The following TRIM55 variants were observed in gnomAD, a reference collection of about 807,000 sequenced individuals.
The protein encoded by TRIM55 is tripartite motif-containing protein 55.
Under a neutral mutation model 60.9 loss-of-function variants are expected in TRIM55, and 50 were observed. That is an observed-to-expected ratio of 0.82 (90% CI 0.65 to 1.04). TRIM55 has a LOEUF of 1.04. Ranked by LOEUF, TRIM55 falls within the 50% of genes least tolerant of loss-of-function variation. The pLI is 0.00. For synonymous variants in TRIM55, 237 were observed against 238.1 expected, an observed-to-expected ratio of 1.00 and a Z score of 0.04; for missense variants, 681 against 666.9, an observed-to-expected ratio of 1.02 and a Z score of -0.23.
chr8:66,129,287 G>T (rs1390498102), intron 2 of TRIM55, among the ~76,000 whole-genome samples: 1 of 152,120 alleles, frequency 6.6e-6, no homozygotes, highest in South Asian at 2.1e-4. Context: ...TAGAAGGCAC[G>T]GTGTGAAGAG....
At chr8:66,116,835 CA>C in the TRIM55 span, among the ~76,000 whole-genome samples, 1 of 152,130 alleles carries the variant, frequency 6.6e-6, no homozygotes, top group Admixed American at 6.5e-5. Context: ...ATACCAAAAT[CA>C]GGCAAAGACA....
chr8:66,168,941 C>T (rs1403507476), intron 9 of TRIM55, among the ~76,000 whole-genome samples: 1 of 152,154 alleles, frequency 6.6e-6, no homozygotes, highest in African/African-American at 2.4e-5. Context: ...TGATTGCTAT[C>T]GCTTGACTGA....
At position 66,144,979 on chromosome 8, in the gene TRIM55, G is replaced by A. The variant is rs115735236; in HGVS notation, c.604-4666G>A. Among the ~76,000 whole-genome samples the A allele has an allele frequency of 2.5e-3, 388 of 152,310 alleles. 1 individual carries two copies. Among genetic ancestry groups the A allele is most frequent in the African/African-American group, 9.0e-3 (374 of 41,558 alleles). Reference sequence around the variant, plus strand: ...ATTCACATTAACAAAGGCACAGTAGGTACTGAAATTCAGAGTCATCACTGT... The same window carrying A: ...ATTCACATTAACAAAGGCACAGTAGATACTGAAATTCAGAGTCATCACTGT... On this transcript the variant is annotated intron_variant, in intron 4 of 9. Coordinates refer to ENST00000315962, the MANE Select transcript of TRIM55 (RefSeq NM_184085.2).
At chr8:66,130,533 G>C (rs982641133) in intron 2 of TRIM55, among the ~76,000 whole-genome samples, 27 of 143,656 alleles carry the variant, frequency 1.9e-4, no homozygotes, top group African/African-American at 6.3e-4. Flanking sequence ...AGAATGAAAA[G>C]AGTTCAGCTG....
At chr8:66,171,400 C>T (rs1018713401) in intron 9 of TRIM55, among the ~76,000 whole-genome samples, 1 of 152,218 alleles carries the variant, frequency 6.6e-6, no homozygotes, top group Non-Finnish European at 1.5e-5. Context: ...CCGCTACATC[C>T]ATGTCTCTGC....
At chr8:66,114,195 T>C in the TRIM55 span, among the ~76,000 whole-genome samples, 1 of 150,284 alleles carries the variant, frequency 6.7e-6, no homozygotes, top group African/African-American at 2.4e-5. Flanking sequence ...CCGTGGGGGA[T>C]TAGCTCAAAT....
the TRIM55 span, chr8:66,114,848 T>C: frequency 3.1e-6 from 1 of 322,752 alleles, no homozygotes; most frequent in Non-Finnish European, 6.2e-6. Flanking sequence ...TGTCCTCCTG[T>C]GGAAGTTAAC....
chr8:66,127,278 T>C lies in TRIM55; in HGVS notation c.10T>C (p.Ser4Pro). 1.2e-6 allele frequency: 2 copies of C among 1,614,050 alleles called. No homozygotes were observed. Among genetic ancestry groups the C allele is most frequent in the Non-Finnish European group, 1.7e-6 (2 of 1,179,974 alleles). The stretch of plus-strand genomic sequence containing the variant: ...TGGGGACAGCGAGGAGATGAGCGCA[T>C]CTCTGAATTACAAATCTTTTTCCAA... MSA[S>P]LNYKSFSKEQ... Residue 4 changes from serine (S) to proline (P), a missense_variant, in exon 1 of 10, where the codon TCT becomes CCT. Ser to Pro is a moderately conservative substitution (Grantham distance 74). Transcript: ENST00000315962.
At chr8:66,121,053 C>G in the TRIM55 span, among the ~76,000 whole-genome samples, 2 of 152,230 alleles carry the variant, frequency 1.3e-5, no homozygotes, top group Non-Finnish European at 2.9e-5. Context: ...CTGAAAAAGC[C>G]TGGTTCCATT....
At chr8:66,146,196 A>G (rs1021234736) in intron 4 of TRIM55, among the ~76,000 whole-genome samples, 1 of 152,354 alleles carries the variant, frequency 6.6e-6, no homozygotes, top group East Asian at 1.9e-4. Context: ...TAATTTTAAT[A>G]AAGCATAGAC....
At chr8:66,120,472 C>T in the TRIM55 span, among the ~76,000 whole-genome samples, 2 of 152,144 alleles carry the variant, frequency 1.3e-5, no homozygotes, top group Admixed American at 1.3e-4. Context: ...AATCTTGGGG[C>T]TTTAAGCCAT....
intron 4 of TRIM55, among the ~76,000 whole-genome samples, chr8:66,144,495 T>C (rs538908961): frequency 1.3e-3 from 192 of 152,308 alleles, no homozygotes; most frequent in African/African-American, 4.3e-3. Flanking sequence ...TGCATCAGAG[T>C]ATACCCGGAG....
At chr8:66,163,954 T>A (rs1455832137) in intron 9 of TRIM55, among the ~76,000 whole-genome samples, 1 of 152,208 alleles carries the variant, frequency 6.6e-6, no homozygotes, top group African/African-American at 2.4e-5. Context: ...ACTGTTTAGG[T>A]ACATTCATAT....
At chr8:66,171,181 C>T (rs1811606894) in intron 9 of TRIM55, among the ~76,000 whole-genome samples, 1 of 152,136 alleles carries the variant, frequency 6.6e-6, no homozygotes, top group Admixed American at 6.5e-5. Context: ...TTATTTCACA[C>T]CCAGGTAGTA....
chr8:66,173,419 A>G (rs543717894), intron 9 of TRIM55, among the ~76,000 whole-genome samples: 9 of 152,328 alleles, frequency 5.9e-5, no homozygotes, highest in Non-Finnish European at 1.3e-4. Context: ...GTGGCAGTAA[A>G]ACAACATACT....
At position 66,128,483 on chromosome 8, in the gene TRIM55, C is replaced by T. The variant is rs1456746906; in HGVS notation, c.341+7C>T. 1 of 1,609,800 alleles carries T rather than the reference C, an allele frequency of 6.2e-7. No homozygotes were observed. The highest frequency in any genetic ancestry group is 8.5e-7 in the Non-Finnish European group (1 of 1,178,480). On this transcript the variant is annotated splice_region_variant and intron_variant, in intron 2 of 9. Coordinates refer to ENST00000315962, the MANE Select transcript of TRIM55 (RefSeq NM_184085.2). ...ACAAGCAGGAGTCCACCAGGTAACACTCTTCCACTCTTCCATGTGTCAAGC... is the reference window on the plus strand; with the variant it reads ...ACAAGCAGGAGTCCACCAGGTAACATTCTTCCACTCTTCCATGTGTCAAGC...
At position 66,149,775 on chromosome 8, in the gene TRIM55, G is replaced by A. The variant is rs573921505; in HGVS notation, c.734G>A (p.Arg245His). Residue 245 changes from arginine (R) to histidine (H), a missense_variant, in exon 5 of 10, where the codon CGT (arginine) becomes CAT (histidine). Arg to His is a conservative substitution (Grantham distance 29). Coordinates refer to ENST00000315962, the MANE Select transcript of TRIM55 (RefSeq NM_184085.2). ...RTQEEKLEHVRALIKKYSDHL... is the reference protein window; with the variant it reads ...RTQEEKLEHVHALIKKYSDHL... ...CAAGAGGAGAAACTGGAACATGTCC[G>A]TGCTCTGATCAAAAAGTATTCTGAT... The A allele has an allele frequency of 1.7e-5, 28 of 1,614,176 alleles. No individual in the cohort carries two copies. The Middle Eastern group carries it at 4.9e-4, about 29-fold the overall frequency.
At chr8:66,157,261 C>T (rs1810795652) in intron 9 of TRIM55, among the ~76,000 whole-genome samples, 1 of 151,866 alleles carries the variant, frequency 6.6e-6, no homozygotes, top group South Asian at 2.1e-4. Flanking sequence ...TCCAGTATTG[C>T]AAAAAACCTT....
chr8:66,152,342 G>A (rs1274266055), intron 7 of TRIM55, 35 bp from the exon 8 acceptor site: 1 of 1,542,308 alleles, frequency 6.5e-7, no homozygotes, highest in Non-Finnish European at 8.7e-7. Context: ...TGCAGAGATA[G>A]TTATAACAAT....
Sources: allele counts gnomAD v4.1 joint callset (sites outside exome capture counted in the v4.1 genomes callset), GRCh38; gene constraint gnomAD v4.1.1; transcripts MANE v1.5; gene names NCBI Gene and HGNC (gene_info 2026-07-23, HGNC 2026-07-21).